The following TMEM132B variants were observed in gnomAD, a reference collection of about 807,000 sequenced individuals.
TMEM132B encodes the protein transmembrane protein 132B.
Under a neutral mutation model 90.8 loss-of-function variants are expected in TMEM132B, and 18 were observed. The ratio of observed to expected loss-of-function variants is 0.20; its 90% CI spans 0.14 to 0.29. The LOEUF is 0.29. Ranked by LOEUF, TMEM132B falls within the 10% of genes least tolerant of loss-of-function variation. The probability of loss-of-function intolerance (pLI) is 1.00; values close to 1 mark genes in which losing one functional copy is unlikely to be tolerated. For synonymous variants in TMEM132B, 504 were observed against 523.3 expected (o/e 0.96, Z 0.50); for missense variants, 1,096 against 1,326.8 (o/e 0.83, Z 2.70).
chr12:125,554,811 A>G (rs1290183653), intron 4 of TMEM132B, among the ~76,000 whole-genome samples: 3 of 152,204 alleles, frequency 2.0e-5, no homozygotes, highest in Non-Finnish European at 4.4e-5. Flanking sequence ...TTCTATGACT[A>G]CATTTACAGT....
At chr12:125,352,177 C>A (rs554494230) in intron 2 of TMEM132B, among the ~76,000 whole-genome samples, 2 of 152,186 alleles carry the variant, frequency 1.3e-5, no homozygotes, top group African/African-American at 4.8e-5. Flanking sequence ...TGGCCTTATC[C>A]CTGCCCTGTT....
rs552903913 is a variant in TMEM132B, at chr12:125,302,911, A to G, written c.68-46541A>G. On this transcript the variant is annotated intron_variant, in intron 1 of 8. Transcript: ENST00000682704. ...TAGGAGATCGAGACCAGCCTGGCCA[A>G]CATGGTGAAATCCCGTCTCTACTAA... 6.6e-5 allele frequency among the ~76,000 whole-genome samples: 10 copies of G among 152,276 alleles called. No individual in the cohort carries two copies. The East Asian group carries it at 1.9e-3, about 29-fold the overall frequency.
intron 1 of TMEM132B, among the ~76,000 whole-genome samples, chr12:125,278,126 A>G (rs1298433488): frequency 6.6e-6 from 1 of 152,254 alleles, no homozygotes; most frequent in Non-Finnish European, 1.5e-5. Flanking sequence ...TTGGCAAACT[A>G]CAGCCGGTGG....
At chr12:125,610,172 C>T (rs1194610938) in intron 5 of TMEM132B, among the ~76,000 whole-genome samples, 2 of 151,946 alleles carry the variant, frequency 1.3e-5, no homozygotes, top group Non-Finnish European at 2.9e-5. Flanking sequence ...AATAGCATGT[C>T]GTATGTAATG....
At chr12:125,555,571 G>C (rs1242843499) in intron 4 of TMEM132B, among the ~76,000 whole-genome samples, 3 of 109,166 alleles carry the variant, frequency 2.7e-5, no homozygotes, top group East Asian at 3.2e-4. Context: ...TTGTGGGGTG[G>C]GGGGTGGGGG....
At chr12:125,269,268 T>C (rs148065736) in intron 1 of TMEM132B, among the ~76,000 whole-genome samples, 17 of 152,322 alleles carry the variant, frequency 1.1e-4, no homozygotes, top group Admixed American at 1.0e-3. Flanking sequence ...TTCCGGGGAC[T>C]TGGAGGGTCT....
At chr12:125,605,929 A>G (rs936431712) in intron 5 of TMEM132B, among the ~76,000 whole-genome samples, 64 of 152,206 alleles carry the variant, frequency 4.2e-4, no homozygotes, top group Non-Finnish European at 7.9e-4. Flanking sequence ...ATGATGTATG[A>G]TACATTGTGA....
intron 5 of TMEM132B, among the ~76,000 whole-genome samples, chr12:125,607,632 G>A (rs2136935396): frequency 6.6e-6 from 1 of 152,324 alleles, no homozygotes; most frequent in East Asian, 1.9e-4. Context: ...AATATGGACT[G>A]TCATCAAGAG....
intron 3 of TMEM132B, among the ~76,000 whole-genome samples, chr12:125,509,261 G>A (rs1489326642): frequency 2.6e-5 from 4 of 152,176 alleles, no homozygotes; most frequent in African/African-American, 4.8e-5. Context: ...GTGGGTCCTG[G>A]ACGCTCCACT....
At chr12:125,232,537 C>G (rs1001858811) in intron 1 of TMEM132B, among the ~76,000 whole-genome samples, 1 of 151,886 alleles carries the variant, frequency 6.6e-6, no homozygotes, top group South Asian at 2.1e-4. Context: ...CAATAAACAT[C>G]TCCTGATTAG....
Position 125,525,319 on chromosome 12 carries a change from A to G in TMEM132B, c.1293+5694A>G, listed in dbSNP as rs571077813. Among the ~76,000 whole-genome samples, 24 of 152,366 alleles carry G rather than the reference A, an allele frequency of 1.6e-4. No individual in the cohort carries two copies. In the East Asian group the frequency reaches 3.5e-3, roughly 22 times the overall value. ...TCTCCAAAATTCACGAGGAAACTCA[A>G]TCCCCCTTGTGGTGGTGTTACCAGG... On this transcript the variant is annotated intron_variant, in intron 4 of 8. Transcript: ENST00000682704.
intron 1 of TMEM132B, among the ~76,000 whole-genome samples, chr12:125,325,284 G>T (rs1382096567): frequency 6.6e-6 from 1 of 152,092 alleles, no homozygotes; most frequent in Non-Finnish European, 1.5e-5. Flanking sequence ...ATCAAAACAG[G>T]AGCGTTTGAT....
At chr12:125,366,526 A>G (rs1878138593) in intron 2 of TMEM132B, among the ~76,000 whole-genome samples, 1 of 152,208 alleles carries the variant, frequency 6.6e-6, no homozygotes, top group African/African-American at 2.4e-5. Context: ...TCTGATAAGA[A>G]GTCAGCCATT....
chr12:125,529,935 C>CAT (rs960827902), intron 4 of TMEM132B, among the ~76,000 whole-genome samples: 7 of 152,210 alleles, frequency 4.6e-5, no homozygotes, highest in Admixed American at 2.0e-4. Context: ...TCTACATTCT[C>CAT]ATATATATAT....
chr12:125,554,967 A>G (rs1446373830), intron 4 of TMEM132B, among the ~76,000 whole-genome samples: 1 of 152,206 alleles, frequency 6.6e-6, no homozygotes, highest in African/African-American at 2.4e-5. Flanking sequence ...GAGGCAACAC[A>G]ATTATATACT....
At chr12:125,330,220 G>A (rs1284858714) in intron 1 of TMEM132B, among the ~76,000 whole-genome samples, 1 of 152,174 alleles carries the variant, frequency 6.6e-6, no homozygotes, top group Non-Finnish European at 1.5e-5. Context: ...CAGGCTGATG[G>A]TTTGGGGACA....
chr12:125,250,035 A>T (rs910586193), intron 1 of TMEM132B, among the ~76,000 whole-genome samples: 12 of 152,248 alleles, frequency 7.9e-5, no homozygotes, highest in Admixed American at 2.0e-4. Context: ...ATCCCCCATT[A>T]AGCAGACATG....
intron 2 of TMEM132B, among the ~76,000 whole-genome samples, chr12:125,411,868 A>C (rs1264875374): frequency 6.6e-6 from 1 of 152,148 alleles, no homozygotes; most frequent in African/African-American, 2.4e-5. Context: ...AGGTGCTGGG[A>C]AGGCTGTGCT....
chr12:125,326,380 C>A (rs74683350), intron 1 of TMEM132B, among the ~76,000 whole-genome samples: 2,200 of 152,294 alleles, frequency 0.014, 59 homozygotes, highest in African/African-American at 0.049. Context: ...GCTGGACAAG[C>A]CCCGTCAGTA....
Sources: allele counts gnomAD v4.1 joint callset (sites outside exome capture counted in the v4.1 genomes callset), GRCh38; gene constraint gnomAD v4.1.1; transcripts MANE v1.5; gene names NCBI Gene and HGNC (gene_info 2026-07-23, HGNC 2026-07-21).